ABHD2: variants seen among roughly 807,000 people sequenced by gnomAD.
The protein encoded by ABHD2 is monoacylglycerol lipase ABHD2.
Under a neutral mutation model 48.1 loss-of-function variants are expected in ABHD2, and 20 were observed. The ratio of observed to expected loss-of-function variants is 0.42; its 90% CI spans 0.29 to 0.60. The LOEUF (loss-of-function observed/expected upper bound fraction) is 0.60, where lower values mean the gene tolerates loss of function less well. ABHD2 is among the 20% of genes least tolerant of loss of function. The pLI, the probability that ABHD2 is intolerant of heterozygous loss-of-function variation, is 0.24. For synonymous variants in ABHD2, 209 were observed against 214.2 expected (o/e 0.98, Z 0.21); for missense variants, 405 against 550.9 (o/e 0.74, Z 2.65).
the ABHD2 span, among the ~76,000 whole-genome samples, chr15:89,060,770 A>C: frequency 0.014 from 2,143 of 152,246 alleles, 52 homozygotes; most frequent in African/African-American, 0.049. Context: ...AGTGTCCATC[A>C]TCTCACTACC....
the ABHD2 span, among the ~76,000 whole-genome samples, chr15:89,078,153 A>G: frequency 1.3e-5 from 2 of 152,116 alleles, no homozygotes; most frequent in Non-Finnish European, 2.9e-5. Context: ...TGCTCACATC[A>G]CTGTTATTCT....
Position 89,151,916 on chromosome 15 carries a change from G to A in ABHD2, c.370+64G>A. ...GAGAAGGAGCACTAGTCAGTGGAGA[G>A]CACAGCAGTGTGAATACTTGTGCCA... On this transcript the variant is annotated intron_variant, in intron 4 of 10. Coordinates refer to ENST00000352732, the MANE Select transcript of ABHD2 (RefSeq NM_152924.5). This position sits in a 1 kb window ranked among gnomAD's most constrained non-coding sequence, Gnocchi z 4.7. 6.4e-7 allele frequency: 1 copy of A among 1,561,376 alleles called. No homozygotes were observed. Among genetic ancestry groups the A allele is most frequent in the Non-Finnish European group, 8.7e-7 (1 of 1,150,498 alleles).
chr15:89,181,506 C>A (rs999948220), intron 6 of ABHD2, among the ~76,000 whole-genome samples: 1 of 152,070 alleles, frequency 6.6e-6, no homozygotes, highest in Non-Finnish European at 1.5e-5. Flanking sequence ...TTCATACTGC[C>A]CTTGCCTTTT....
At chr15:89,117,710 C>T (rs1194608885) in intron 3 of ABHD2, among the ~76,000 whole-genome samples, 2 of 152,202 alleles carry the variant, frequency 1.3e-5, no homozygotes, top group African/African-American at 2.4e-5. Context: ...TTCCCTGCAT[C>T]CTGATAGCAC....
At position 89,146,042 on chromosome 15, in the gene ABHD2, TG is replaced by T. The variant is rs955645657; in HGVS notation, c.195-5634del. On this transcript the variant is annotated intron_variant, in intron 3 of 10. Coordinates refer to ENST00000352732, the MANE Select transcript of ABHD2 (RefSeq NM_152924.5). The surrounding 1 kb of genome is among the most constrained non-coding windows in gnomAD (Gnocchi z 4.2). ...GGCATTTTGTTCACTGGAAAGGACT[TG>T]CTGCAACTTGCTGAGATGTGAGGAC... Among the ~76,000 whole-genome samples the T allele has an allele frequency of 6.6e-6, 1 of 152,166 alleles. No individual in the cohort carries two copies. The highest frequency in any genetic ancestry group is 1.5e-5 in the Non-Finnish European group (1 of 68,028).
Position 89,116,625 on chromosome 15 carries a change from G to A in ABHD2, c.194+104G>A, listed in dbSNP as rs1468113131. ...CTCATCGTGTCCTTAAGGCATCAAT[G>A]GGATATGACGTCACTGGTGTTAAAA... On this transcript the variant is annotated intron_variant, in intron 3 of 10. Coordinates refer to ENST00000352732, the MANE Select transcript of ABHD2 (RefSeq NM_152924.5). The surrounding 1 kb of genome is among the most constrained non-coding windows in gnomAD (Gnocchi z 4.6). 15 of 1,221,650 alleles carry A rather than the reference G, an allele frequency of 1.2e-5. No homozygotes were observed. Among genetic ancestry groups the A allele is most frequent in the Non-Finnish European group, 1.6e-5 (14 of 876,796 alleles). 75.7% of individuals were successfully genotyped at this position (1,221,650 alleles called of 1,614,324 possible).
chr15:89,154,084 T>C (rs2050633528), intron 4 of ABHD2, among the ~76,000 whole-genome samples: 1 of 152,174 alleles, frequency 6.6e-6, no homozygotes, highest in Non-Finnish European at 1.5e-5. Context: ...AGCTTATAAA[T>C]TTTATAAAGA....
rs2050834455 is a variant in ABHD2 at position 89,166,105 on chromosome 15, A to G, written c.539-9707A>G. On this transcript the variant is annotated intron_variant, in intron 5 of 10. Transcript: ENST00000352732. This position sits in a 1 kb window ranked among gnomAD's most constrained non-coding sequence, Gnocchi z 4.6. ...AGTAACAAAGGATCTTATTAGTTTGATCTTGATTTAAAGAGAGAAAAAAAT... is the reference window on the plus strand; with the variant it reads ...AGTAACAAAGGATCTTATTAGTTTGGTCTTGATTTAAAGAGAGAAAAAAAT... 6.6e-6 allele frequency among the ~76,000 whole-genome samples: 1 copy of G among 152,182 alleles called. No individual in the cohort carries two copies. The highest frequency in any genetic ancestry group is 1.5e-5 in the Non-Finnish European group (1 of 68,042).
chr15:89,134,979 A>C (rs2050279373), intron 3 of ABHD2, among the ~76,000 whole-genome samples: 1 of 152,162 alleles, frequency 6.6e-6, no homozygotes, highest in African/African-American at 2.4e-5. Flanking sequence ...TTTTCTGCAC[A>C]TCAAAGAAAG....
chr15:89,093,450 C>T (rs1901681493), intron 1 of ABHD2, among the ~76,000 whole-genome samples: 1 of 152,118 alleles, frequency 6.6e-6, no homozygotes, highest in African/African-American at 2.4e-5. Flanking sequence ...GGATTACAGA[C>T]GTGAGCCACC....
rs939619338 is a variant in ABHD2, at chr15:89,141,544, A to G, written c.195-10133A>G. Among the ~76,000 whole-genome samples the G allele has an allele frequency of 2.0e-5, 3 of 152,298 alleles. No individual in the cohort carries two copies. The South Asian group carries it at 6.2e-4, about 32-fold the overall frequency. ...GCTACCCAGGAGGCTGAGGTGCGAG[A>G]ATCGCTTGAACCCGGGAGATGGAGG... On this transcript the variant is annotated intron_variant, in intron 3 of 10. Coordinates refer to ENST00000352732, the MANE Select transcript of ABHD2 (RefSeq NM_152924.5).
chr15:89,150,682 A>G (rs112615647), intron 3 of ABHD2, among the ~76,000 whole-genome samples: 3,297 of 152,350 alleles, frequency 0.022, 58 homozygotes, highest in Middle Eastern at 0.078. Flanking sequence ...GTTCTGAGAG[A>G]AATGATAGGC....
Position 89,186,166 on chromosome 15 carries a change from T to C in ABHD2, c.815+650T>C, listed in dbSNP as rs2051205904. Among the ~76,000 whole-genome samples the C allele has an allele frequency of 6.6e-6, 1 of 152,160 alleles. No individual in the cohort carries two copies. Among genetic ancestry groups the C allele is most frequent in the African/African-American group, 2.4e-5 (1 of 41,452 alleles). On this transcript the variant is annotated intron_variant, in intron 7 of 10. Coordinates refer to ENST00000352732, the MANE Select transcript of ABHD2 (RefSeq NM_152924.5). The surrounding 1 kb of genome is among the most constrained non-coding windows in gnomAD (Gnocchi z 4.3). ...GTGCCTGGGGGATCAGGACTCATTC[T>C]TGGCTGGCGCTTGGGCTTCTGACCA...
chr15:89,117,205 T>A (rs1316698371), intron 3 of ABHD2, among the ~76,000 whole-genome samples: 1 of 152,202 alleles, frequency 6.6e-6, no homozygotes, highest in Non-Finnish European at 1.5e-5. Flanking sequence ...TTTGTATTTT[T>A]AGTAGAGACG....
At chr15:89,064,824 T>C in the ABHD2 span, among the ~76,000 whole-genome samples, 2 of 152,134 alleles carry the variant, frequency 1.3e-5, no homozygotes, top group African/African-American at 4.8e-5. Context: ...GCATATAATG[T>C]ATATGTTAAG....
the ABHD2 span, among the ~76,000 whole-genome samples, chr15:89,078,794 G>A: frequency 4.7e-5 from 7 of 149,628 alleles, no homozygotes; most frequent in Middle Eastern, 6.9e-3. Context: ...GCAGTGGCAC[G>A]ATCTTGGCTC....
chr15:89,183,384 A>AAAAAAAAATAT (rs61602174), intron 6 of ABHD2: 37 of 46,232 alleles, frequency 8.0e-4, no homozygotes, highest in African/African-American at 1.8e-3. Flanking sequence ...AAAAAAAAAA[A>AAAAAAAAATAT]ATATATATAT....
intron 10 of ABHD2, among the ~76,000 whole-genome samples, chr15:89,194,084 C>G (rs1333377489): frequency 6.6e-6 from 1 of 152,136 alleles, no homozygotes; most frequent in African/African-American, 2.4e-5. Flanking sequence ...GAGCAAGATT[C>G]TGTCTCTAAA....
chr15:89,090,440 C>T (rs760158724), intron 1 of ABHD2: 1 of 152,250 alleles, frequency 6.6e-6, no homozygotes, highest in South Asian at 2.1e-4. Context: ...TCATATCCAC[C>T]ACCCAATACT....
Sources: gnomAD v4.1 joint callset for allele counts (sites outside exome capture counted in the v4.1 genomes callset) on GRCh38, gnomAD v4.1.1 for gene constraint, Gnocchi (gnomAD v3.1) non-coding constraint, MANE v1.5 for transcripts, NCBI Gene and HGNC (gene_info 2026-07-23, HGNC 2026-07-21) for gene names.